Variants in SPINK8 observed in about 807,000 individuals in gnomAD.
The protein encoded by SPINK8 is serine protease inhibitor Kazal-type 8.
In SPINK8, 12 loss-of-function variants were observed where a neutral mutation model predicts 14.4. The observed-to-expected ratio is 0.83, with a 90% CI of 0.53 to 1.35. The LOEUF (loss-of-function observed/expected upper bound fraction) is 1.35, where lower values mean the gene tolerates loss of function less well. SPINK8 is among the 40% of genes most tolerant of loss of function. The pLI is 0.00. For synonymous variants in SPINK8, 32 were observed against 37.6 expected, an observed-to-expected ratio of 0.85 and a Z score of 0.55; for missense variants, 103 against 117.0, an observed-to-expected ratio of 0.88 and a Z score of 0.55.
intron 4 of SPINK8, among the ~76,000 whole-genome samples, chr3:48,325,423 T>C (rs1177845301): frequency 1.4e-5 from 2 of 147,482 alleles, no homozygotes; most frequent in Admixed American, 1.4e-4. Context: ...AATGTAACGT[T>C]GTAATTTTTT....
chr3:48,331,814 G>A (rs2036267233), intron 2 of SPINK8, among the ~76,000 whole-genome samples: 1 of 152,208 alleles, frequency 6.6e-6, no homozygotes, highest in Admixed American at 6.5e-5. Flanking sequence ...CAGATCTGGA[G>A]GACAGTTGTC....
chr3:48,328,484 T>C lies in SPINK8; in HGVS notation c.-13-130A>G, dbSNP rs775837795. Reference sequence around the variant, plus strand: ...CTTTCCTCAGGTCATTTGGAATGAATTGTGTCTGATGCAACTCAATTGTTT... The same window carrying C: ...CTTTCCTCAGGTCATTTGGAATGAACTGTGTCTGATGCAACTCAATTGTTT... On this transcript the variant is annotated intron_variant, in intron 3 of 7. Transcript: ENST00000434006. 5 of 526,132 alleles carry C rather than the reference T, an allele frequency of 9.5e-6. No homozygotes were observed. In the East Asian group the frequency reaches 1.6e-4, roughly 17 times the overall value. The allele number at this position is 526,132 out of a possible 1,614,324, so 32.6% of individuals were successfully genotyped here.
intron 6 of SPINK8, among the ~76,000 whole-genome samples, chr3:48,317,623 C>T (rs1324975467): frequency 1.3e-5 from 2 of 151,384 alleles, no homozygotes; most frequent in Non-Finnish European, 2.9e-5. Flanking sequence ...TCATGCCATT[C>T]TCCTGCCTGA....
intron 6 of SPINK8, among the ~76,000 whole-genome samples, chr3:48,318,809 T>C (rs2036029180): frequency 6.6e-6 from 1 of 152,244 alleles, no homozygotes; most frequent in African/African-American, 2.4e-5. Context: ...TTTGCTTTTC[T>C]CTCTTAAGAT....
At chr3:48,314,017 G>A (rs1381912660) in intron 6 of SPINK8, among the ~76,000 whole-genome samples, 1 of 152,154 alleles carries the variant, frequency 6.6e-6, no homozygotes, top group African/African-American at 2.4e-5. Context: ...TGACAAAAAT[G>A]TTTTGAAAGT....
intron 2 of SPINK8, among the ~76,000 whole-genome samples, 91 bp downstream of exon 2, chr3:48,332,275 T>C (rs1322201861): frequency 1.3e-5 from 2 of 152,208 alleles, no homozygotes; most frequent in Non-Finnish European, 2.9e-5. Context: ...TTATAAAAAC[T>C]GAGGCCAAGT....
chr3:48,318,941 T>C (rs1270194565), intron 6 of SPINK8, among the ~76,000 whole-genome samples: 1 of 152,246 alleles, frequency 6.6e-6, no homozygotes, highest in African/African-American at 2.4e-5. Flanking sequence ...CCCCTGCTCC[T>C]CACTATTCCC....
Position 48,306,929 on chromosome 3 carries a change from A to C in SPINK8, c.*63T>G. On this transcript the variant is annotated 3_prime_UTR_variant, in exon 8 of 8. Transcript: ENST00000434006. Reference sequence around the variant, plus strand: ...TTAAAGGGGATATATTTGAAGAGGCAACCATTGTGTTTCACTTGGCAATCT... The same window carrying C: ...TTAAAGGGGATATATTTGAAGAGGCCACCATTGTGTTTCACTTGGCAATCT... The C allele has an allele frequency of 6.4e-7, 1 of 1,567,520 alleles. No individual in the cohort carries two copies. Among genetic ancestry groups the C allele is most frequent in the Non-Finnish European group, 8.8e-7 (1 of 1,141,804 alleles).
At chr3:48,323,619 T>A (rs2036103651) in intron 4 of SPINK8, among the ~76,000 whole-genome samples, 1 of 152,212 alleles carries the variant, frequency 6.6e-6, no homozygotes, top group African/African-American at 2.4e-5. Context: ...TTATAATTTG[T>A]GTCCATGGTG....
chr3:48,309,216 T>C (rs2107079675), intron 7 of SPINK8, among the ~76,000 whole-genome samples: 1 of 152,370 alleles, frequency 6.6e-6, no homozygotes, highest in South Asian at 2.1e-4. Context: ...TTTTCTCTTC[T>C]ACATTGATTT....
At chr3:48,311,418 A>C (rs1285311683) in intron 6 of SPINK8, among the ~76,000 whole-genome samples, 1 of 152,212 alleles carries the variant, frequency 6.6e-6, no homozygotes, top group Admixed American at 6.5e-5. Flanking sequence ...AAGAAATAAA[A>C]GGCATCCAAA....
chr3:48,308,123 G>T (rs993822448), intron 7 of SPINK8, among the ~76,000 whole-genome samples: 2 of 151,532 alleles, frequency 1.3e-5, no homozygotes, highest in African/African-American at 4.9e-5. Context: ...ACAGGCGCCC[G>T]CCACCAAGAC....
chr3:48,319,756 T>C, intron 5 of SPINK8, 138 bp from the exon 6 acceptor site: 1 of 1,216,336 alleles, frequency 8.2e-7, no homozygotes, highest in East Asian at 2.5e-5. Context: ...AGCCTCAGTG[T>C]TTGACCCCAA....
intron 5 of SPINK8, among the ~76,000 whole-genome samples, chr3:48,319,930 T>C (rs1256922165): frequency 6.6e-6 from 1 of 151,224 alleles, no homozygotes; most frequent in African/African-American, 2.4e-5. Context: ...GATCACGAGG[T>C]CAGGAGATCG....
chr3:48,327,450 T>C (rs1425351440), intron 4 of SPINK8, among the ~76,000 whole-genome samples: 1 of 152,136 alleles, frequency 6.6e-6, no homozygotes, highest in Non-Finnish European at 1.5e-5. Flanking sequence ...GCAAGAAAGA[T>C]GGAGTGGTCC....
At chr3:48,325,267 T>C (rs1386087944) in intron 4 of SPINK8, among the ~76,000 whole-genome samples, 2 of 152,210 alleles carry the variant, frequency 1.3e-5, no homozygotes, top group Non-Finnish European at 2.9e-5. Flanking sequence ...GATTGGATTG[T>C]GTAATTCATT....
At chr3:48,317,989 C>T (rs968772756) in intron 6 of SPINK8, among the ~76,000 whole-genome samples, 1 of 152,132 alleles carries the variant, frequency 6.6e-6, no homozygotes, top group Admixed American at 6.5e-5. Context: ...ATCCTTCTGC[C>T]TCAGCTTCCC....
At chr3:48,320,062 G>A (rs940465652) in intron 5 of SPINK8, among the ~76,000 whole-genome samples, 12 of 151,522 alleles carry the variant, frequency 7.9e-5, no homozygotes, top group African/African-American at 2.7e-4. Context: ...CCTGGGAGGC[G>A]GAGCTTGCAG....
chr3:48,328,930 A>C (rs1374400383), intron 3 of SPINK8, among the ~76,000 whole-genome samples: 1 of 152,226 alleles, frequency 6.6e-6, no homozygotes, highest in African/African-American at 2.4e-5. Flanking sequence ...GGAAAACCAT[A>C]GTATATTTAC....
Sources: gnomAD v4.1 joint callset for allele counts (sites outside exome capture counted in the v4.1 genomes callset) on GRCh38, gnomAD v4.1.1 for gene constraint, MANE v1.5 for transcripts, NCBI Gene and HGNC (gene_info 2026-07-23, HGNC 2026-07-21) for gene names.